The following TLN2 variants were observed in gnomAD, a reference collection of about 807,000 sequenced individuals.
The protein encoded by TLN2 is talin-2.
TLN2 carries 118 observed loss-of-function variants against 294.7 expected under a neutral mutation model. The observed-to-expected ratio is 0.40, with a 90% confidence interval of 0.34 to 0.47. The LOEUF (loss-of-function observed/expected upper bound fraction) is 0.47, where lower values mean the gene tolerates loss of function less well. TLN2 is among the 20% of genes least tolerant of loss of function. The pLI is 0.84. For synonymous variants in TLN2, 1,431 were observed against 1,304.5 expected, an observed-to-expected ratio of 1.10 and a Z score of -2.09; for missense variants, 3,083 against 3,282.2, an observed-to-expected ratio of 0.94 and a Z score of 1.48.
chr15:62,605,990 C>A (rs116839423), intron 2 of TLN2, among the ~76,000 whole-genome samples: 2 of 152,176 alleles, frequency 1.3e-5, no homozygotes, highest in Non-Finnish European at 2.9e-5. Flanking sequence ...AGTAGTGTTA[C>A]ACCAGTGTCA....
intron 1 of TLN2, among the ~76,000 whole-genome samples, chr15:62,526,326 C>T (rs551290255): frequency 1.8e-4 from 28 of 152,106 alleles, no homozygotes; most frequent in Non-Finnish European, 3.4e-4. Flanking sequence ...GATGGGTTTT[C>T]ACCATGTTGG....
intron 1 of TLN2, among the ~76,000 whole-genome samples, chr15:62,581,833 T>G (rs982382191): frequency 6.6e-6 from 1 of 151,800 alleles, no homozygotes; most frequent in African/African-American, 2.4e-5. Context: ...CACCTGAGAT[T>G]AGGAGTTCCA....
At chr15:62,640,735 A>G (rs1044071804) in intron 3 of TLN2, among the ~76,000 whole-genome samples, 2 of 152,226 alleles carry the variant, frequency 1.3e-5, no homozygotes, top group African/African-American at 2.4e-5. Context: ...TTCTGTGTCT[A>G]GGAAAAGCAT....
intron 1 of TLN2, among the ~76,000 whole-genome samples, chr15:62,465,104 G>GTTTTTTTTTTTTT (rs57890839): frequency 8.2e-5 from 7 of 85,522 alleles, no homozygotes; most frequent in South Asian, 5.8e-4. Context: ...TGGTGAGCGC[G>GTTTTTTTTTTTTT]TTTTTTTTTT....
At chr15:62,766,298 C>G in intron 40 of TLN2, 23 bp from the exon 41 acceptor site, 4 of 1,601,332 alleles carry the variant, frequency 2.5e-6, no homozygotes, top group Non-Finnish European at 3.4e-6. Flanking sequence ...ATGGGATGAA[C>G]TTGACACTTC....
chr15:62,720,305 A>G (rs1352932506), intron 25 of TLN2, among the ~76,000 whole-genome samples: 1 of 152,204 alleles, frequency 6.6e-6, no homozygotes, highest in Non-Finnish European at 1.5e-5. Flanking sequence ...TCTTTGTGGC[A>G]ATTGTACAGT....
chr15:62,631,517 TCTTC>T (rs1567221683), intron 3 of TLN2, among the ~76,000 whole-genome samples: 29 of 100,478 alleles, frequency 2.9e-4, no homozygotes, highest in African/African-American at 5.7e-4. Flanking sequence ...TTTCTTTCTT[TCTTC>T]CTTTCCTTTC....
At chr15:62,772,281 A>G (rs1348814013) in intron 42 of TLN2, among the ~76,000 whole-genome samples, 1 of 152,024 alleles carries the variant, frequency 6.6e-6, no homozygotes, top group Non-Finnish European at 1.5e-5. Flanking sequence ...TCTATGTTCA[A>G]TTTTTTCATT....
At chr15:62,708,196 G>A (rs1055084914) in intron 20 of TLN2, among the ~76,000 whole-genome samples, 2 of 152,028 alleles carry the variant, frequency 1.3e-5, no homozygotes, top group African/African-American at 2.4e-5. Flanking sequence ...GGTATAATTG[G>A]GAAATCTCAG....
chr15:62,732,598 A>G (rs917442998), intron 28 of TLN2, among the ~76,000 whole-genome samples: 13 of 152,346 alleles, frequency 8.5e-5, no homozygotes, highest in Admixed American at 7.2e-4. Context: ...CTTTTTGTAT[A>G]GGTCGCCCTT....
At chr15:62,839,081 TC>T in intron 58 of TLN2, 100 bp downstream of exon 58, 9 of 1,464,152 alleles carry the variant, frequency 6.1e-6, no homozygotes, top group Non-Finnish European at 8.3e-6. Flanking sequence ...GTTTATTTCT[TC>T]CTCGTGTACC....
chr15:62,674,969 C>A (rs1378618011), intron 10 of TLN2, among the ~76,000 whole-genome samples: 1 of 152,188 alleles, frequency 6.6e-6, no homozygotes, highest in Admixed American at 6.5e-5. Flanking sequence ...TGGATTGTCA[C>A]ATTTAGTTGT....
Position 62,809,957 on chromosome 15 carries a change from G to A in TLN2, c.6696G>A (p.Glu2232=). ...CCTTCCACCCCGATGTCAGTGACGA[G>A]GTGAGAACCAGAGCCTTGCGTTTCG... ...QASFHPDVSD[E]VRTRALRFGT... The change falls in exon 52 of 59, where the codon GAG becomes GAA. Residue 2232 remains glutamate (E), a synonymous_variant. Coordinates refer to ENST00000636159, the MANE Select transcript of TLN2 (RefSeq NM_015059.3). 1 of 1,614,142 alleles carries A rather than the reference G, an allele frequency of 6.2e-7. No individual in the cohort carries two copies. Among genetic ancestry groups the A allele is most frequent in the Non-Finnish European group, 8.5e-7 (1 of 1,180,038 alleles).
chr15:62,488,202 AT>A (rs1392884233), intron 1 of TLN2, among the ~76,000 whole-genome samples: 2 of 152,262 alleles, frequency 1.3e-5, no homozygotes, highest in Middle Eastern at 3.2e-3. Flanking sequence ...ATACAAAAAA[AT>A]AAAAGTACAT....
intron 1 of TLN2, among the ~76,000 whole-genome samples, chr15:62,505,574 A>AT (rs2039571959): frequency 6.6e-6 from 1 of 151,978 alleles, no homozygotes; most frequent in Non-Finnish European, 1.5e-5. Flanking sequence ...CAACTCTGTA[A>AT]TTTATCTGGT....
At chr15:62,629,288 G>A (rs1294667872) in intron 3 of TLN2, among the ~76,000 whole-genome samples, 1 of 152,214 alleles carries the variant, frequency 6.6e-6, no homozygotes, top group Admixed American at 6.5e-5. Context: ...CTTGGATGGA[G>A]TAAATGAGAT....
intron 43 of TLN2, among the ~76,000 whole-genome samples, chr15:62,778,699 G>A (rs1355019755): frequency 6.6e-6 from 1 of 152,222 alleles, no homozygotes; most frequent in Non-Finnish European, 1.5e-5. Flanking sequence ...TTTTGGATGG[G>A]CTGGAAATAA....
chr15:62,519,781 C>T (rs1425041820), intron 1 of TLN2, among the ~76,000 whole-genome samples: 1 of 152,142 alleles, frequency 6.6e-6, no homozygotes, highest in Non-Finnish European at 1.5e-5. Context: ...GAGTGTGTTA[C>T]GTGCATATGA....
chr15:62,498,536 T>C (rs1661315), intron 1 of TLN2, among the ~76,000 whole-genome samples: 45,379 of 152,024 alleles, frequency 0.3, 7,927 homozygotes, highest in African/African-American at 0.48. Context: ...GAGGGGCTGC[T>C]GGACAGTCTC....
Sources: allele counts gnomAD v4.1 joint callset (sites outside exome capture counted in the v4.1 genomes callset), GRCh38; gene constraint gnomAD v4.1.1; transcripts MANE v1.5; gene names NCBI Gene and HGNC (gene_info 2026-07-23, HGNC 2026-07-21).